The following PAK3 variants were observed in gnomAD, a reference collection of about 807,000 sequenced individuals.
The protein encoded by PAK3 is p21 (RAC1) activated kinase 3.
A neutral mutation model predicts 41.0 loss-of-function variants in PAK3; 4 were observed. That is an observed-to-expected ratio of 0.10 (90% CI 0.05 to 0.22). The LOEUF (loss-of-function observed/expected upper bound fraction) is 0.22. PAK3 is among the 10% of genes least tolerant of loss of function. The probability of loss-of-function intolerance (pLI) is 1.00; values close to 1 mark genes in which losing one functional copy is unlikely to be tolerated. For missense variants in PAK3, 205 were observed against 409.9 expected, an observed-to-expected ratio of 0.50 and a Z score of 4.32; for synonymous variants, 146 against 139.6, an observed-to-expected ratio of 1.05 and a Z score of -0.32.
chrX:111,016,986 G>A (rs113700705), intron 1 of PAK3, among the ~76,000 whole-genome samples: 5,354 of 111,193 alleles, frequency 0.048, 333 homozygotes, highest in African/African-American at 0.16. Flanking sequence ...CCTGCTTTGG[G>A]CTGGAAAACA....
chrX:111,202,416 A>G (rs1159804201), intron 16 of PAK3, among the ~76,000 whole-genome samples: 4 of 111,197 alleles, frequency 3.6e-5, no homozygotes. Context: ...TACTCAACAT[A>G]ATTGGCCTTG....
chrX:110,981,542 A>AGT (rs3033534), intron 1 of PAK3, among the ~76,000 whole-genome samples: 3,235 of 102,968 alleles, frequency 0.031, 119 homozygotes, highest in African/African-American at 0.11. Context: ...GAGAAAAAAT[A>AGT]GTGTGTGTGT....
At chrX:111,171,699 T>G (rs2094343580) in intron 10 of PAK3, among the ~76,000 whole-genome samples, 1 of 111,779 alleles carries the variant, frequency 8.9e-6, no homozygotes, top group Admixed American at 9.5e-5. Context: ...CCTAGATATG[T>G]TTTGGGAACT....
At chrX:111,214,341 A>C (rs971053607) in intron 16 of PAK3, among the ~76,000 whole-genome samples, 18 of 111,475 alleles carry the variant, frequency 1.6e-4, no homozygotes, top group African/African-American at 5.6e-4. Context: ...AGAGCTTAAA[A>C]ATATTGGCAC....
At chrX:111,103,618 A>T (rs183857725) in intron 4 of PAK3, among the ~76,000 whole-genome samples, 1 of 112,004 alleles carries the variant, frequency 8.9e-6, no homozygotes, top group African/African-American at 3.2e-5. Flanking sequence ...TAACACAGAC[A>T]TGCTTCCCAT....
Position 111,142,175 on chromosome X carries a change from T to C in PAK3, c.255T>C (p.Asp85=), listed in dbSNP as rs139161996. The C allele has an allele frequency of 5.2e-6, 6 of 1,142,962 alleles. No individual in the cohort carries two copies. The highest frequency in any genetic ancestry group is 6.0e-6 in the Non-Finnish European group (5 of 833,502). The allele number at this position is 1,142,962 out of a possible 1,213,427, so 94.2% of individuals were successfully genotyped here. Reference sequence around the variant, plus strand: ...AGCATACGATTCATGTGGGGTTTGATGCAGTCACCGGGGAATTCACTGTAA... The same window carrying C: ...AGCATACGATTCATGTGGGGTTTGACGCAGTCACCGGGGAATTCACTGTAA... ...DFEHTIHVGF[D]AVTGEFTGIP... is the part of the protein sequence containing the mutation. Residue 85 remains aspartate, a synonymous_variant, in exon 6 of 18, where the codon GAT becomes GAC. Transcript: ENST00000372007.
chrX:111,125,934 G>A (rs777640584), intron 5 of PAK3, among the ~76,000 whole-genome samples: 3 of 111,711 alleles, frequency 2.7e-5, no homozygotes, highest in Non-Finnish European at 5.7e-5. Context: ...GAACTGCTAA[G>A]GTGTCTTCAA....
chrX:110,951,753 C>T (rs192811816), intron 1 of PAK3, among the ~76,000 whole-genome samples: 13 of 112,603 alleles, frequency 1.2e-4, no homozygotes, highest in Admixed American at 3.8e-4. Flanking sequence ...CCAACTAGAA[C>T]TGTGTCGAAA....
At chrX:111,032,877 G>T (rs2092356042) in intron 1 of PAK3, among the ~76,000 whole-genome samples, 1 of 110,651 alleles carries the variant, frequency 9.0e-6, no homozygotes, top group South Asian at 3.9e-4. Context: ...CTCTTCATAG[G>T]CTCATTGTCA....
chrX:111,003,390 G>A (rs753118412), intron 1 of PAK3, among the ~76,000 whole-genome samples: 1 of 111,161 alleles, frequency 9.0e-6, no homozygotes, highest in Non-Finnish European at 1.9e-5. Flanking sequence ...TGCACCTCGG[G>A]GAAACTGCCA....
At chrX:111,112,203 T>C (rs142479412) in intron 4 of PAK3, among the ~76,000 whole-genome samples, 1,562 of 110,998 alleles carry the variant, frequency 0.014, 36 homozygotes, top group African/African-American at 0.047. Context: ...TATTAAACCC[T>C]TCTTAATTCG....
rs1236882936 is a variant in PAK3 at position 111,057,477 on chromosome X, G to T, written c.-27-65600G>T. ...TACTTTAGCAAGCCTCTAAAAATAAGGACATTCTCTTACATAAATGCCAGT... is the reference window on the plus strand; with the variant it reads ...TACTTTAGCAAGCCTCTAAAAATAATGACATTCTCTTACATAAATGCCAGT... On this transcript the variant is annotated intron_variant, in intron 1 of 14. Transcript: ENST00000425146. Among the ~76,000 whole-genome samples the T allele has an allele frequency of 7.2e-5, 8 of 111,138 alleles. No homozygotes were observed. In the East Asian group the frequency reaches 2.0e-3, roughly 28 times the overall value.
intron 7 of PAK3, among the ~76,000 whole-genome samples, chrX:111,149,470 G>A (rs1196915970): frequency 8.9e-6 from 1 of 112,209 alleles, no homozygotes; most frequent in Non-Finnish European, 1.9e-5. Flanking sequence ...TTCTCCATGA[G>A]GGCCCCACCC....
intron 6 of PAK3, among the ~76,000 whole-genome samples, chrX:111,144,495 G>A (rs1009583031): frequency 9.0e-6 from 1 of 111,368 alleles, no homozygotes; most frequent in Non-Finnish European, 1.9e-5. Context: ...AAGCTTTTAA[G>A]AAAGTCTTTT....
chrX:111,205,055 A>G (rs1414553833), intron 16 of PAK3, among the ~76,000 whole-genome samples: 1 of 107,169 alleles, frequency 9.3e-6, no homozygotes, highest in Admixed American at 1.0e-4. Flanking sequence ...TTAAAGAGTG[A>G]ATTGTATTCC....
At position 111,194,262 on chromosome X, in the gene PAK3, T is replaced by C. The variant is rs748536213; in HGVS notation, c.993-39T>C. 5.9e-5 allele frequency: 48 copies of C among 820,215 alleles called. 1 individual carries two copies. In the East Asian group the frequency reaches 1.4e-3, roughly 25 times the overall value. 67.6% of individuals were successfully genotyped at this position (820,215 alleles called of 1,213,427 possible). On this transcript the variant is annotated intron_variant, in intron 13 of 17. Coordinates refer to ENST00000372007, the MANE Select transcript of PAK3 (RefSeq NM_002578.5). The stretch of plus-strand genomic sequence containing the variant: ...GGAATATCAGAGTCCCCAGGTTTTT[T>C]AGCGTCATAAGGCAAAGTCTTTTCT...
At chrX:111,168,126 G>A (rs757169775) in intron 10 of PAK3, among the ~76,000 whole-genome samples, 11 of 111,264 alleles carry the variant, frequency 9.9e-5, no homozygotes, top group Non-Finnish European at 1.9e-4. Flanking sequence ...ATGCTAAAAG[G>A]ATAATCTTTT....
intron 5 of PAK3, among the ~76,000 whole-genome samples, chrX:111,134,381 T>C (rs569706535): frequency 2.7e-5 from 3 of 112,571 alleles, no homozygotes; most frequent in African/African-American, 9.6e-5. Flanking sequence ...ATCGATCATC[T>C]TCTCCTCTTC....
At chrX:111,195,986 T>C in intron 15 of PAK3, 45 bp downstream of exon 15, 2 of 713,598 alleles carry the variant, frequency 2.8e-6, no homozygotes, top group South Asian at 4.2e-5. Flanking sequence ...AGGGAATTTC[T>C]GTTCTTTCAT....
Sources: gnomAD v4.1 joint callset for allele counts (sites outside exome capture counted in the v4.1 genomes callset) on GRCh38, gnomAD v4.1.1 for gene constraint, MANE v1.5 for transcripts, NCBI Gene and HGNC (gene_info 2026-07-23, HGNC 2026-07-21) for gene names.